Variants in PREX2 observed in about 807,000 individuals in gnomAD.
The protein encoded by PREX2 is phosphatidylinositol 3,4,5-trisphosphate-dependent Rac exchanger 2 protein.
A neutral mutation model predicts 203.2 loss-of-function variants in PREX2; 107 were observed. The ratio of observed to expected loss-of-function variants is 0.53; its 90% CI spans 0.45 to 0.62. PREX2 has a LOEUF of 0.62. Ranked by LOEUF, PREX2 falls within the 20% of genes least tolerant of loss-of-function variation. The pLI is 0.00. For synonymous variants in PREX2, 672 were observed against 663.6 expected, an observed-to-expected ratio of 1.01 and a Z score of -0.19; for missense variants, 1,777 against 1,955.9, an observed-to-expected ratio of 0.91 and a Z score of 1.72.
chr8:68,007,408 G>A (rs1162666953), intron 1 of PREX2, among the ~76,000 whole-genome samples: 1 of 152,136 alleles, frequency 6.6e-6, no homozygotes, highest in Non-Finnish European at 1.5e-5. Context: ...TGCAATACTT[G>A]TTCCTCCTAG....
chr8:67,967,879 A>G (rs1186092035), intron 1 of PREX2, among the ~76,000 whole-genome samples: 2 of 152,084 alleles, frequency 1.3e-5, no homozygotes, highest in Non-Finnish European at 2.9e-5. Context: ...GGAATTGAAC[A>G]ATGAGAACAC....
intron 33 of PREX2, among the ~76,000 whole-genome samples, chr8:68,144,989 G>A (rs1407068002): frequency 6.6e-6 from 1 of 152,054 alleles, no homozygotes; most frequent in Non-Finnish European, 1.5e-5. Flanking sequence ...GAAGGGTATG[G>A]AATTTAACAC....
intron 14 of PREX2, among the ~76,000 whole-genome samples, chr8:68,075,795 T>G (rs758364865): frequency 3.3e-5 from 5 of 152,178 alleles, no homozygotes; most frequent in African/African-American, 1.2e-4. Context: ...AGTTACAGAT[T>G]ATGTGTTTAG....
intron 20 of PREX2, among the ~76,000 whole-genome samples, chr8:68,091,500 C>G (rs1809872524): frequency 6.6e-6 from 1 of 152,130 alleles, no homozygotes; most frequent in South Asian, 2.1e-4. Flanking sequence ...TTTGAGGATG[C>G]AACTATGTCC....
chr8:68,085,632 T>TGTATAAACGTAATTC (rs1278586299), intron 18 of PREX2, among the ~76,000 whole-genome samples: 1 of 152,182 alleles, frequency 6.6e-6, no homozygotes, highest in Non-Finnish European at 1.5e-5. Context: ...ACATCCGTCT[T>TGTATAAACGTAATTC]GTATAAACGT....
chr8:68,103,738 C>T (rs1810332455), intron 23 of PREX2: 1 of 519,524 alleles, frequency 1.9e-6, no homozygotes, highest in Non-Finnish European at 3.8e-6. Flanking sequence ...CCGTAAACCT[C>T]TACTTGGTGG....
At chr8:68,037,380 AT>A (rs1481151958) in intron 6 of PREX2, among the ~76,000 whole-genome samples, 5 of 152,158 alleles carry the variant, frequency 3.3e-5, no homozygotes, top group African/African-American at 1.2e-4. Flanking sequence ...ATAGACTATA[AT>A]ATTTATAATG....
At chr8:68,191,484 T>G (rs1206868382) in intron 35 of PREX2, among the ~76,000 whole-genome samples, 1 of 152,186 alleles carries the variant, frequency 6.6e-6, no homozygotes, top group Non-Finnish European at 1.5e-5. Flanking sequence ...ATGAGAAAAC[T>G]AAGCATAGAC....
At chr8:67,992,030 T>C (rs948024450) in intron 1 of PREX2, among the ~76,000 whole-genome samples, 1 of 152,210 alleles carries the variant, frequency 6.6e-6, no homozygotes, top group African/African-American at 2.4e-5. Flanking sequence ...ACTGAAAAGA[T>C]AGCCCAAGCA....
intron 35 of PREX2, among the ~76,000 whole-genome samples, chr8:68,176,502 G>A (rs1811983567): frequency 6.6e-6 from 1 of 152,084 alleles, no homozygotes; most frequent in African/African-American, 2.4e-5. Flanking sequence ...CCCTTCCATT[G>A]ACTAGCTTGA....
chr8:68,180,366 AG>A (rs1001638495), intron 35 of PREX2, among the ~76,000 whole-genome samples: 1 of 152,174 alleles, frequency 6.6e-6, no homozygotes, highest in African/African-American at 2.4e-5. Flanking sequence ...GGTTCTTTAC[AG>A]ATGAATATTG....
intron 8 of PREX2, among the ~76,000 whole-genome samples, chr8:68,050,863 A>C (rs1585738783): frequency 6.6e-6 from 1 of 152,300 alleles, no homozygotes; most frequent in South Asian, 2.1e-4. Flanking sequence ...GGAATATATA[A>C]GTATTCACAG....
chr8:68,172,674 G>T (rs1174030145), intron 35 of PREX2, among the ~76,000 whole-genome samples: 1 of 152,144 alleles, frequency 6.6e-6, no homozygotes, highest in East Asian at 1.9e-4. Context: ...TAAGGTTATA[G>T]TATTTGGGGG....
intron 6 of PREX2, among the ~76,000 whole-genome samples, chr8:68,034,293 C>T: frequency 6.6e-6 from 1 of 151,984 alleles, no homozygotes; most frequent in East Asian, 1.9e-4. Flanking sequence ...ATTAATATGC[C>T]TTGGAAGAGA....
intron 5 of PREX2, among the ~76,000 whole-genome samples, chr8:68,030,176 G>C (rs140582496): frequency 2.4e-4 from 36 of 152,194 alleles, no homozygotes; most frequent in African/African-American, 8.2e-4. Context: ...ATGTGCTTCT[G>C]TTAGAACAAA....
At chr8:68,080,653 A>G (rs1418426988) in intron 16 of PREX2, 68 bp downstream of exon 16, 7 of 1,469,212 alleles carry the variant, frequency 4.8e-6, no homozygotes, top group East Asian at 2.3e-5. Context: ...TGCGTTAAAC[A>G]TGTTTGACGG....
chr8:67,992,590 C>T (rs946530801), intron 1 of PREX2, among the ~76,000 whole-genome samples: 2 of 152,170 alleles, frequency 1.3e-5, no homozygotes, highest in Non-Finnish European at 2.9e-5. Context: ...CAGATTTCTC[C>T]TTTGATGTTC....
intron 35 of PREX2, among the ~76,000 whole-genome samples, chr8:68,181,634 T>C (rs1163067075): frequency 3.3e-5 from 5 of 152,112 alleles, no homozygotes; most frequent in Admixed American, 3.3e-4. Flanking sequence ...TTATTATGCT[T>C]GGCAGGTTTT....
intron 30 of PREX2, among the ~76,000 whole-genome samples, chr8:68,123,235 G>A (rs969083325): frequency 6.6e-6 from 1 of 152,014 alleles, no homozygotes; most frequent in Non-Finnish European, 1.5e-5. Context: ...CACAGCTAAG[G>A]CAATGTTAAG....
Sources: gnomAD v4.1 joint callset for allele counts (sites outside exome capture counted in the v4.1 genomes callset) on GRCh38, gnomAD v4.1.1 for gene constraint, MANE v1.5 for transcripts, NCBI Gene and HGNC (gene_info 2026-07-23, HGNC 2026-07-21) for gene names.